ITPR2: variants seen among roughly 807,000 people sequenced by gnomAD.
ITPR2 encodes the protein inositol 1,4,5-trisphosphate-gated calcium channel ITPR2.
Under a neutral mutation model 317.1 loss-of-function variants are expected in ITPR2, and 207 were observed. That is an observed-to-expected ratio of 0.65 (90% CI 0.58 to 0.73). ITPR2 has a LOEUF of 0.73. Among genes scored for constraint, ITPR2 ranks in the 30% least tolerant of loss-of-function variants. The pLI is 0.00. For synonymous variants in ITPR2, 1,156 were observed against 1,149.1 expected (o/e 1.01, Z -0.12); for missense variants, 2,613 against 3,284.0 (o/e 0.80, Z 4.99).
intron 47 of ITPR2, among the ~76,000 whole-genome samples, chr12:26,436,634 A>G (rs1412836906): frequency 6.6e-6 from 1 of 152,222 alleles, no homozygotes; most frequent in African/African-American, 2.4e-5. Context: ...TGATTCTGTA[A>G]TAACTCTCTG....
intron 39 of ITPR2, among the ~76,000 whole-genome samples, chr12:26,492,893 A>ATG (rs1942840226): frequency 1.1e-5 from 1 of 93,704 alleles, no homozygotes; most frequent in South Asian, 4.5e-4. Flanking sequence ...TCATTGCACG[A>ATG]TATGTGTGTG....
At chr12:26,528,481 C>T (rs771223571) in intron 37 of ITPR2, among the ~76,000 whole-genome samples, 1 of 152,164 alleles carries the variant, frequency 6.6e-6, no homozygotes, top group African/African-American at 2.4e-5. Context: ...TGTATGAAAA[C>T]CTGAAGGAAG....
intron 10 of ITPR2, among the ~76,000 whole-genome samples, chr12:26,688,492 T>C (rs897383264): frequency 1.4e-5 from 2 of 144,396 alleles, no homozygotes; most frequent in Non-Finnish European, 3.0e-5. Context: ...CTAAAAAAGA[T>C]GAAAGATGAG....
At position 26,589,865 on chromosome 12, in the gene ITPR2, C is replaced by T. The variant is rs1483546598; in HGVS notation, c.4380+5600G>A. Among the ~76,000 whole-genome samples the T allele has an allele frequency of 3.2e-4, 26 of 81,122 alleles. No individual in the cohort carries two copies. The East Asian group carries it at 5.9e-3, about 18-fold the overall frequency. The allele number at this position is 81,122 out of a possible 152,430, so 53.2% of individuals were successfully genotyped here. A position where few individuals can be genotyped will look rare whatever the true frequency, so the allele number is the denominator to read the frequency against. ...ATATATATATATATACACACACACA[C>T]ACACACACACACACACACACATATA... On this transcript the variant is annotated intron_variant, in intron 32 of 56. Transcript: ENST00000381340.
At chr12:26,802,351 A>C (rs1436600536) in intron 1 of ITPR2, among the ~76,000 whole-genome samples, 1 of 152,020 alleles carries the variant, frequency 6.6e-6, no homozygotes, top group Non-Finnish European at 1.5e-5. Context: ...TAGCAGTGAT[A>C]ATATCAGACA....
intron 23 of ITPR2, among the ~76,000 whole-genome samples, chr12:26,625,384 T>C (rs2136817289): frequency 6.6e-6 from 1 of 152,238 alleles, no homozygotes; most frequent in South Asian, 2.1e-4. Context: ...GCATACCTCA[T>C]TTATCCTGAT....
At chr12:26,665,861 T>C in intron 14 of ITPR2, 49 bp downstream of exon 14, 1 of 1,524,664 alleles carries the variant, frequency 6.6e-7, no homozygotes, top group Non-Finnish European at 9.0e-7. Flanking sequence ...TTCCTGATAC[T>C]GTAATTCAGA....
chr12:26,376,714 C>A (rs1235519690), intron 55 of ITPR2, among the ~76,000 whole-genome samples: 2 of 150,548 alleles, frequency 1.3e-5, no homozygotes, highest in African/African-American at 4.9e-5. Context: ...TTCTTTCTTT[C>A]TTTCTTTCCT....
chr12:26,614,763 GA>G lies in ITPR2; in HGVS notation c.3462+6359del, dbSNP rs200903960. Among the ~76,000 whole-genome samples, 1,067 of 152,090 alleles carry G rather than the reference GA, an allele frequency of 7.0e-3. 16 individuals are homozygous for G. The highest frequency in any genetic ancestry group is 0.024 in the African/African-American group (999 of 41,492). On this transcript the variant is annotated intron_variant, in intron 26 of 56. Coordinates refer to ENST00000381340, the MANE Select transcript of ITPR2 (RefSeq NM_002223.4). ...ATTCTGGAGAAGGCAAACCTACAGAGAAAAAAAATCAGTGGTTGGCAGGGAC... is the reference window on the plus strand; with the variant it reads ...ATTCTGGAGAAGGCAAACCTACAGAGAAAAAAATCAGTGGTTGGCAGGGAC...
chr12:26,671,619 G>A (rs1947774368), intron 13 of ITPR2, among the ~76,000 whole-genome samples: 1 of 152,196 alleles, frequency 6.6e-6, no homozygotes, highest in Non-Finnish European at 1.5e-5. Flanking sequence ...AGACCATCGA[G>A]ACTAGGAAGA....
chr12:26,453,482 T>G (rs1941792513), intron 45 of ITPR2, among the ~76,000 whole-genome samples: 1 of 152,140 alleles, frequency 6.6e-6, no homozygotes, highest in Non-Finnish European at 1.5e-5. Flanking sequence ...AAAACACAGA[T>G]AGACATTAAT....
chr12:26,539,861 A>C (rs1393807277), intron 37 of ITPR2, among the ~76,000 whole-genome samples: 1 of 152,270 alleles, frequency 6.6e-6, no homozygotes, highest in Non-Finnish European at 1.5e-5. Context: ...TGATATGTCT[A>C]GAATCTACTT....
intron 37 of ITPR2, among the ~76,000 whole-genome samples, chr12:26,545,312 TC>T (rs1944368442): frequency 6.6e-6 from 1 of 151,966 alleles, no homozygotes; most frequent in African/African-American, 2.4e-5. Context: ...TCCAATGTAA[TC>T]ACAGGTGTTC....
At chr12:26,483,651 C>G in intron 42 of ITPR2, 47 bp downstream of exon 42, 1 of 1,396,224 alleles carries the variant, frequency 7.2e-7, no homozygotes, top group East Asian at 2.3e-5. Flanking sequence ...TTGGCTCCTT[C>G]CCCAAATTAA....
chr12:26,709,861 G>A lies in ITPR2; in HGVS notation c.951+1312C>T, dbSNP rs150518457. On this transcript the variant is annotated intron_variant, in intron 9 of 56. Transcript: ENST00000381340. ...AAAACATTTACGCTATAAACAGACT[G>A]TAAATTGCAAAGCTGTATTTCATCT... is the stretch of plus-strand genomic sequence containing the variant. Among the ~76,000 whole-genome samples the A allele has an allele frequency of 5.9e-5, 9 of 152,254 alleles. 1 individual carries two copies. The highest frequency in any genetic ancestry group is 2.2e-4 in the African/African-American group (9 of 41,554).
At chr12:26,556,009 C>T (rs969431109) in intron 36 of ITPR2, among the ~76,000 whole-genome samples, 1 of 152,182 alleles carries the variant, frequency 6.6e-6, no homozygotes, top group African/African-American at 2.4e-5. Flanking sequence ...TAATGACACA[C>T]TTTATTTTCA....
chr12:26,685,407 G>A (rs189567821), intron 11 of ITPR2, among the ~76,000 whole-genome samples: 12 of 152,140 alleles, frequency 7.9e-5, no homozygotes, highest in East Asian at 3.9e-4. Context: ...ACCAGCCTGC[G>A]CAATATGGCA....
intron 55 of ITPR2, among the ~76,000 whole-genome samples, chr12:26,376,669 T>G (rs982264074): frequency 1.3e-5 from 2 of 152,220 alleles, no homozygotes; most frequent in African/African-American, 2.4e-5. Flanking sequence ...TTCCCTTAAC[T>G]TTCAGGATAA....
chr12:26,552,729 T>C (rs991556825), intron 36 of ITPR2, among the ~76,000 whole-genome samples: 9 of 152,246 alleles, frequency 5.9e-5, no homozygotes, highest in African/African-American at 2.2e-4. Flanking sequence ...TTAATTTTTG[T>C]GGATACATAG....
Sources: allele counts gnomAD v4.1 joint callset (sites outside exome capture counted in the v4.1 genomes callset), GRCh38; gene constraint gnomAD v4.1.1; transcripts MANE v1.5; gene names NCBI Gene and HGNC (gene_info 2026-07-23, HGNC 2026-07-21).